Variants in DRC9 observed in about 807,000 individuals in gnomAD.
The protein encoded by DRC9 is dynein regulatory complex subunit 9.
the DRC9 span, chr3:197,925,908 C>T: frequency 7.8e-4 from 557 of 714,986 alleles, no homozygotes; most frequent in Non-Finnish European, 8.7e-4. Flanking sequence ...AAAGGAATGC[C>T]GGAGGAAACA....
At chr3:197,922,276 G>A in the DRC9 span, among the ~76,000 whole-genome samples, 1 of 152,210 alleles carries the variant, frequency 6.6e-6, no homozygotes, top group African/African-American at 2.4e-5. Flanking sequence ...CATCTCAGGA[G>A]CAAGTGTTGT....
the DRC9 span, among the ~76,000 whole-genome samples, chr3:197,925,434 G>T: frequency 8.1e-6 from 1 of 123,210 alleles, no homozygotes; most frequent in South Asian, 3.1e-4. Context: ...AGGATGGGAT[G>T]AGGTCATCTG....
chr3:197,955,984 T>A, the DRC9 span: 1 of 561,964 alleles, frequency 1.8e-6, no homozygotes, highest in East Asian at 3.1e-5. Flanking sequence ...AATGCGAGTA[T>A]CTTTGACAGA....
At chr3:197,941,049 T>TA in the DRC9 span, among the ~76,000 whole-genome samples, 1 of 152,066 alleles carries the variant, frequency 6.6e-6, no homozygotes, top group African/African-American at 2.4e-5. Context: ...GATGGCAAAT[T>TA]ACTCTTTTCA....
chr3:197,934,178 TG>T, the DRC9 span, among the ~76,000 whole-genome samples: 1 of 140,270 alleles, frequency 7.1e-6, no homozygotes, highest in Non-Finnish European at 1.5e-5. Context: ...ATGTTCATTC[TG>T]GGTCTTTTTT....
the DRC9 span, chr3:197,889,459 GA>G: frequency 8.7e-7 from 1 of 1,151,842 alleles, no homozygotes; most frequent in Non-Finnish European, 1.3e-6. Flanking sequence ...GCTTCCCTGG[GA>G]AAGTCTCAAT....
chr3:197,930,514 G>C, the DRC9 span, among the ~76,000 whole-genome samples: 1 of 151,988 alleles, frequency 6.6e-6, no homozygotes, highest in Admixed American at 6.6e-5. Context: ...GCCGAGGCGG[G>C]TGGGTTGTTT....
the DRC9 span, among the ~76,000 whole-genome samples, chr3:197,896,434 A>G: frequency 6.6e-6 from 1 of 152,250 alleles, no homozygotes; most frequent in Non-Finnish European, 1.5e-5. Flanking sequence ...CAAAAAATTG[A>G]ACAACAAAAA....
the DRC9 span, among the ~76,000 whole-genome samples, chr3:197,914,334 A>C: frequency 1.3e-5 from 2 of 152,194 alleles, no homozygotes; most frequent in African/African-American, 4.8e-5. Context: ...TAGGAAGAAC[A>C]CTGGTCAAAA....
the DRC9 span, among the ~76,000 whole-genome samples, chr3:197,934,661 ATCCTC>A: frequency 1.3e-5 from 2 of 151,932 alleles, no homozygotes; most frequent in African/African-American, 4.8e-5. Flanking sequence ...GTTCTTCATG[ATCCTC>A]TCCTAAGTGG....
chr3:197,905,815 C>T, the DRC9 span, among the ~76,000 whole-genome samples: 2 of 151,610 alleles, frequency 1.3e-5, 1 homozygote, highest in Admixed American at 1.3e-4. Context: ...TCAACATCAG[C>T]AAGTCTATTA....
the DRC9 span, among the ~76,000 whole-genome samples, chr3:197,928,860 C>T: frequency 6.6e-6 from 1 of 152,108 alleles, no homozygotes; most frequent in Non-Finnish European, 1.5e-5. Context: ...AAGCTACAGG[C>T]CCCCCAGAAA....
At chr3:197,927,258 A>T in the DRC9 span, among the ~76,000 whole-genome samples, 4 of 152,094 alleles carry the variant, frequency 2.6e-5, no homozygotes, top group African/African-American at 7.2e-5. Flanking sequence ...ACAGAGTCTC[A>T]CTCTGTTCTC....
the DRC9 span, chr3:197,953,438 C>G: frequency 6.6e-6 from 3 of 456,740 alleles, no homozygotes; most frequent in Non-Finnish European, 8.8e-6. Flanking sequence ...TAGTTTCTCT[C>G]ATTCAGTAAA....
At chr3:197,911,132 T>G in the DRC9 span, among the ~76,000 whole-genome samples, 472 of 152,178 alleles carry the variant, frequency 3.1e-3, 2 homozygotes, top group African/African-American at 0.011. Context: ...AGAAATAAAT[T>G]GAGTAAACAT....
the DRC9 span, among the ~76,000 whole-genome samples, chr3:197,896,003 T>A: frequency 7.5e-6 from 1 of 133,826 alleles, no homozygotes; most frequent in South Asian, 2.3e-4. Context: ...ATTAAGTAAT[T>A]ACTGCAACTG....
chr3:197,932,245 A>T, the DRC9 span: 1 of 1,613,484 alleles, frequency 6.2e-7, no homozygotes, highest in South Asian at 1.1e-5. Flanking sequence ...GACTGTTGTA[A>T]GTGGCCGAAT....
the DRC9 span, among the ~76,000 whole-genome samples, chr3:197,900,788 G>T: frequency 6.6e-6 from 1 of 152,214 alleles, no homozygotes; most frequent in African/African-American, 2.4e-5. This position sits in a 1 kb window ranked among gnomAD's most constrained non-coding sequence, Gnocchi z 4.7. Flanking sequence ...GAGTCATGAG[G>T]CCCCCACTCC....
At chr3:197,942,338 C>T in the DRC9 span, among the ~76,000 whole-genome samples, 20 of 131,046 alleles carry the variant, frequency 1.5e-4, no homozygotes, top group African/African-American at 4.2e-4. Flanking sequence ...GAGCCAAGAT[C>T]GCGCCACTGC....
Sources: allele counts gnomAD v4.1 joint callset (sites outside exome capture counted in the v4.1 genomes callset), GRCh38; gene constraint gnomAD v4.1.1; non-coding constraint Gnocchi (gnomAD v3.1); transcripts MANE v1.5; gene names NCBI Gene and HGNC (gene_info 2026-07-23, HGNC 2026-07-21).